FAM186A: variants seen among roughly 807,000 people sequenced by gnomAD.
FAM186A encodes family with sequence similarity 186 member A, also known as protein FAM186A.
In FAM186A, 163 loss-of-function variants were observed where a neutral mutation model predicts 216.8. That is an observed-to-expected ratio of 0.75 (90% CI 0.66 to 0.86). The LOEUF (loss-of-function observed/expected upper bound fraction) is 0.86, where lower values mean the gene tolerates loss of function less well. Ranked by LOEUF, FAM186A falls within the 40% of genes least tolerant of loss-of-function variation. The probability of loss-of-function intolerance (pLI) is 0.00; values close to 1 mark genes in which losing one functional copy is unlikely to be tolerated. For synonymous variants in FAM186A, 805 were observed against 1,025.3 expected (o/e 0.79, Z 4.10); for missense variants, 2,184 against 2,746.2 (o/e 0.80, Z 4.58).
At chr12:50,371,245 G>A (rs940341714) in intron 1 of FAM186A, among the ~76,000 whole-genome samples, 1 of 151,854 alleles carries the variant, frequency 6.6e-6, no homozygotes, top group African/African-American at 2.4e-5. Flanking sequence ...AGCCTCCAGA[G>A]TAGCTGGGGT....
chr12:50,335,247 A>G (rs1018744815), intron 4 of FAM186A, among the ~76,000 whole-genome samples: 3 of 152,118 alleles, frequency 2.0e-5, no homozygotes, highest in African/African-American at 7.2e-5. Flanking sequence ...TAAGGGCAAG[A>G]CTCCAACTCT....
intron 1 of FAM186A, among the ~76,000 whole-genome samples, chr12:50,384,190 A>C (rs547498121): frequency 1.3e-5 from 2 of 151,944 alleles, no homozygotes; most frequent in Non-Finnish European, 2.9e-5. Context: ...GAATCCCAGC[A>C]TTTTGAAAGG....
intron 1 of FAM186A, among the ~76,000 whole-genome samples, chr12:50,372,998 T>A (rs4565983): frequency 0.32 from 15,470 of 48,996 alleles, 4,411 homozygotes; most frequent in East Asian, 0.45. Flanking sequence ...AAGGAAGGAA[T>A]GAAAGAAAGA....
chr12:50,360,880 G>T lies in FAM186A; in HGVS notation c.459C>A (p.His153Gln), dbSNP rs1460413052. ...ACAACTCCATTTGTGCTATCCAGTG[G>T]TGGTGTTCATCAACATCCATTAGAG... is the stretch of plus-strand genomic sequence containing the variant. ...EMTLMDVDEH[H>Q]HWIAQMELLP... Residue 153 changes from histidine (H) to glutamine (Q), a missense_variant, in exon 3 of 8, where the codon CAC becomes CAA. Around this residue, in one of 7 missense-constraint regions of FAM186A, gnomAD observed 1,132 missense variants for 1,263.4 expected, o/e 0.90. Transcript: ENST00000327337. The T allele has an allele frequency of 6.4e-7, 1 of 1,550,486 alleles. No individual in the cohort carries two copies. The highest frequency in any genetic ancestry group is 1.4e-5 in the African/African-American group (1 of 72,940).
At chr12:50,361,862 C>T (rs1468140846) in intron 2 of FAM186A, among the ~76,000 whole-genome samples, 7 of 152,122 alleles carry the variant, frequency 4.6e-5, no homozygotes, top group East Asian at 1.9e-4. Context: ...TGAGCCACCG[C>T]GCCCGGCCAT....
chr12:50,351,280 C>T lies in FAM186A; in HGVS notation c.5552G>A (p.Ser1851Asn). The change falls in exon 4 of 8, where the codon AGT becomes AAT. Residue 1851 changes from serine (S) to asparagine (N), a missense_variant. Transcript: ENST00000327337. ...GVPPTSGQIP[S>N]LWAPLSPGQP... ...CCCAGGAGAAAGAGGAGCCCAGAGA[C>T]TTGGAATCTGTCCAGAAGTGGGTGG... is the stretch of plus-strand genomic sequence containing the variant. 6.5e-7 allele frequency: 1 copy of T among 1,548,702 alleles called. No homozygotes were observed. The highest frequency in any genetic ancestry group is 8.7e-7 in the Non-Finnish European group (1 of 1,145,986).
At chr12:50,378,636 A>G (rs1454027939) in intron 1 of FAM186A, among the ~76,000 whole-genome samples, 2 of 140,280 alleles carry the variant, frequency 1.4e-5, no homozygotes, top group Admixed American at 7.2e-5. Flanking sequence ...ATATATATAC[A>G]CATACATATA....
chr12:50,348,038 A>ATTTTTTT (rs71083540), intron 4 of FAM186A, among the ~76,000 whole-genome samples: 12 of 81,346 alleles, frequency 1.5e-4, no homozygotes, highest in Non-Finnish European at 1.8e-4. Flanking sequence ...ATGCCTGGTA[A>ATTTTTTT]TTTTTTTTTT....
In FAM186A at chr12:50,370,123, CAAAAAA is replaced by C. The variant is rs56403101; in HGVS notation, c.193-6765_193-6760del. On this transcript the variant is annotated intron_variant, in intron 1 of 7. Transcript: ENST00000327337. Reference sequence around the variant, plus strand: ...TGGGCGACAGAGCGAGACTCCATCTCAAAAAAAAAAAAAAAAAAAAAAAAGCAAAAC... The same window carrying C: ...TGGGCGACAGAGCGAGACTCCATCTCAAAAAAAAAAAAAAAAAAGCAAAAC... Among the ~76,000 whole-genome samples, 25 of 38,444 alleles carry C rather than the reference CAAAAAA, an allele frequency of 6.5e-4. 1 individual carries two copies. Among genetic ancestry groups the C allele is most frequent in the Admixed American group, 9.6e-4 (2 of 2,084 alleles). The allele number at this position is 38,444 out of a possible 152,430, so 25.2% of individuals were successfully genotyped here. A position where few individuals can be genotyped will look rare whatever the true frequency, so the allele number is the denominator to read the frequency against.
chr12:50,360,162 T>C (rs1470611313), intron 3 of FAM186A, among the ~76,000 whole-genome samples: 1 of 151,130 alleles, frequency 6.6e-6, no homozygotes, highest in Non-Finnish European at 1.5e-5. Context: ...AAGAATCGCT[T>C]GAACCCAAGA....
At chr12:50,378,717 G>C (rs944131541) in intron 1 of FAM186A, among the ~76,000 whole-genome samples, 110 of 150,640 alleles carry the variant, frequency 7.3e-4, no homozygotes, top group Admixed American at 7.3e-4. Context: ...CACAATCTGG[G>C]AATAAATATT....
rs550007629 is a variant in FAM186A, at chr12:50,351,420, G to T, written c.5412C>A (p.Tyr1804Ter). The T allele has an allele frequency of 2.7e-6, 4 of 1,466,714 alleles. No individual in the cohort carries two copies. Among genetic ancestry groups the T allele is most frequent in the African/African-American group, 2.9e-5 (2 of 70,116 alleles). 90.9% of individuals were successfully genotyped at this position (1,466,714 alleles called of 1,614,324 possible). A position where few individuals can be genotyped will look rare whatever the true frequency, so the allele number is the denominator to read the frequency against. Residue 1804 changes from tyrosine to a stop codon, truncating the protein, a stop_gained, in exon 4 of 8, where the codon TAC becomes TAA. Transcript: ENST00000327337. LOFTEE classifies it high-confidence loss of function. The stretch of plus-strand genomic sequence containing the variant: ...ACTGCGCAGAAGTGGATTGACCTCC[G>T]TATACCAGGGTCTGTCCAGAGGAAC... Reference protein sequence around the residue: ...TLRSSGQTLVYGGQSTSAQFP... With the variant: ...TLRSSGQTLV
chr12:50,355,257 G>A lies in FAM186A; in HGVS notation c.1575C>T (p.Leu525=), dbSNP rs1254436445. Reference sequence around the variant, plus strand: ...CTTGGCTCTTTGTTTCAGTTAAAGAGAGATGTTTTCTTTTTGCTTCAGTGG... The same window carrying A: ...CTTGGCTCTTTGTTTCAGTTAAAGAAAGATGTTTTCTTTTTGCTTCAGTGG... The part of the protein sequence containing the change: ...KSPTEAKRKH[L]SLTETKSQGG... Residue 525 remains leucine (L), a synonymous_variant, in exon 4 of 8, where the codon CTC becomes CTT. Transcript: ENST00000327337. 3.2e-6 allele frequency: 5 copies of A among 1,551,562 alleles called. No individual in the cohort carries two copies. Among genetic ancestry groups the A allele is most frequent in the Non-Finnish European group, 4.4e-6 (5 of 1,146,996 alleles).
chr12:50,396,539 A>C lies in FAM186A; in HGVS notation c.-55T>G. The C allele has an allele frequency of 6.7e-7, 1 of 1,482,322 alleles. No individual in the cohort carries two copies. Among genetic ancestry groups the C allele is most frequent in the Non-Finnish European group, 9.0e-7 (1 of 1,105,906 alleles). The allele number at this position is 1,482,322 out of a possible 1,614,324, so 91.8% of individuals were successfully genotyped here. A position where few individuals can be genotyped will look rare whatever the true frequency, so the allele number is the denominator to read the frequency against. On this transcript the variant is annotated 5_prime_UTR_variant, in exon 1 of 8. In the 5' UTR this introduces an upstream ATG that the reference lacks. Transcript: ENST00000327337. Reference sequence around the variant, plus strand: ...TCTTCTTTTTCACAGAATCTACAAAAATGCTAATAAAGATATCCAGTAGGA... The same window carrying C: ...TCTTCTTTTTCACAGAATCTACAAACATGCTAATAAAGATATCCAGTAGGA...
rs1942865379 is a variant in FAM186A, at chr12:50,350,543, G to A, written c.6289C>T (p.Pro2097Ser). 1 of 1,551,626 alleles carries A rather than the reference G, an allele frequency of 6.4e-7. No homozygotes were observed. The highest frequency in any genetic ancestry group is 8.7e-7 in the Non-Finnish European group (1 of 1,146,974). ...KPKVMVPPSS[P>S]QELEEKRYFV... Reference sequence around the variant, plus strand: ...TACCTCTTTTCTTCAAGTTCTTGAGGAGAGGAAGGGGGCACCATTACTTTG... The same window carrying A: ...TACCTCTTTTCTTCAAGTTCTTGAGAAGAGGAAGGGGGCACCATTACTTTG... The change falls in exon 4 of 8, where the codon CCT (proline) becomes TCT (serine). Residue 2097 changes from proline (P) to serine (S), a missense_variant. By Grantham distance (74) the Pro-to-Ser change is moderately conservative (BLOSUM62 -1). Coordinates refer to ENST00000327337, the MANE Select transcript of FAM186A (RefSeq NM_001145475.3).
At position 50,331,811 on chromosome 12, in the gene FAM186A, AT is replaced by A; in HGVS notation, c.6706del (p.Ile2236TyrfsTer4). On this transcript the variant is annotated frameshift_variant, in exon 6 of 8. Coordinates refer to ENST00000327337, the MANE Select transcript of FAM186A (RefSeq NM_001145475.3). LOFTEE classifies it high-confidence loss of function. The stretch of plus-strand genomic sequence containing the variant: ...AGGTTGACTAAGATTCAATTCATGT[AT>A]CTTTTTGAGCTATAAAAAAAAATAG... ...MIHVFNQLKK[I>X]HELNLSQPIP... 1 of 1,526,900 alleles carries A rather than the reference AT, an allele frequency of 6.5e-7. No individual in the cohort carries two copies. The highest frequency in any genetic ancestry group is 8.8e-7 in the Non-Finnish European group (1 of 1,141,204). The allele number at this position is 1,526,900 out of a possible 1,614,324, so 94.6% of individuals were successfully genotyped here. A position where few individuals can be genotyped will look rare whatever the true frequency, so the allele number is the denominator to read the frequency against.
Position 50,354,596 on chromosome 12 carries a change from C to T in FAM186A, c.2236G>A (p.Gly746Arg). Residue 746 changes from glycine to arginine, a missense_variant, in exon 4 of 8, where the codon GGA (glycine) becomes AGA (arginine). Physicochemically the swap from Gly to Arg is moderately radical, Grantham distance 125. Coordinates refer to ENST00000327337, the MANE Select transcript of FAM186A (RefSeq NM_001145475.3). Reference sequence around the variant, plus strand: ...TTTTTTTGTTTTATAGGTTTCTCTCCAACTTGTTCTTCCTTTTTTGTATCT... The same window carrying T: ...TTTTTTTGTTTTATAGGTTTCTCTCTAACTTGTTCTTCCTTTTTTGTATCT... ...YKDTKKEEQV[G>R]EKPIKQKKVV... The T allele has an allele frequency of 6.5e-7, 1 of 1,548,972 alleles. No individual in the cohort carries two copies. The highest frequency in any genetic ancestry group is 8.7e-7 in the Non-Finnish European group (1 of 1,146,432).
intron 4 of FAM186A, among the ~76,000 whole-genome samples, chr12:50,335,500 C>G (rs1370037421): frequency 6.6e-6 from 1 of 151,890 alleles, no homozygotes; most frequent in African/African-American, 2.4e-5. Flanking sequence ...AAAAATTAGC[C>G]AGGTGCGGTG....
At chr12:50,356,868 G>A (rs527732503) in intron 3 of FAM186A, among the ~76,000 whole-genome samples, 9 of 152,012 alleles carry the variant, frequency 5.9e-5, no homozygotes, top group African/African-American at 1.4e-4. Context: ...GCGTGATGGC[G>A]CATGCCTGTA....
Sources: allele counts gnomAD v4.1 joint callset (sites outside exome capture counted in the v4.1 genomes callset), GRCh38; gene constraint gnomAD v4.1.1; regional missense constraint gnomAD v4.1.1; transcripts MANE v1.5; gene names NCBI Gene and HGNC (gene_info 2026-07-23, HGNC 2026-07-21).